Variants in FSHR observed in about 807,000 individuals in gnomAD.
The protein encoded by FSHR is follicle stimulating hormone receptor.
FSHR carries 46 observed loss-of-function variants against 52.1 expected under a neutral mutation model. The ratio of observed to expected loss-of-function variants is 0.88; its 90% CI spans 0.70 to 1.13. The LOEUF (loss-of-function observed/expected upper bound fraction) is 1.13. Ranked by LOEUF, FSHR falls within the 50% of genes most tolerant of loss-of-function variation. FSHR has a pLI of 0.00. For synonymous variants in FSHR, 399 were observed against 309.6 expected (o/e 1.29, Z -3.03); for missense variants, 964 against 834.6 (o/e 1.16, Z -1.91).
chr2:49,128,677 T>C (rs1486543362), intron 1 of FSHR, among the ~76,000 whole-genome samples: 1 of 121,400 alleles, frequency 8.2e-6, no homozygotes, highest in Non-Finnish European at 1.7e-5. Context: ...TGTTGAATAG[T>C]CTTTTTTTTT....
At chr2:49,010,774 G>A (rs536375384) in intron 4 of FSHR, among the ~76,000 whole-genome samples, 158 of 152,204 alleles carry the variant, frequency 1.0e-3, no homozygotes, top group African/African-American at 3.7e-3. Flanking sequence ...TATGTGTCAA[G>A]GAATTTATCC....
chr2:49,099,398 C>T (rs900865219), intron 1 of FSHR, among the ~76,000 whole-genome samples: 2 of 152,038 alleles, frequency 1.3e-5, no homozygotes, highest in Admixed American at 6.6e-5. Flanking sequence ...TGAGGCCTCC[C>T]CAGCCATGTG....
intron 2 of FSHR, among the ~76,000 whole-genome samples, chr2:49,050,836 A>T (rs1668829077): frequency 1.3e-5 from 2 of 152,120 alleles, no homozygotes; most frequent in Non-Finnish European, 2.9e-5. Context: ...CACAATCAAG[A>T]TATAAAATAT....
intron 4 of FSHR, among the ~76,000 whole-genome samples, chr2:48,994,092 C>T (rs563539534): frequency 1.6e-4 from 25 of 152,186 alleles, no homozygotes; most frequent in South Asian, 4.1e-4. Flanking sequence ...CAGTAGTTGA[C>T]GCATAAAATG....
At chr2:49,140,682 C>T (rs1033088026) in intron 1 of FSHR, among the ~76,000 whole-genome samples, 5 of 149,042 alleles carry the variant, frequency 3.4e-5, no homozygotes, top group Non-Finnish European at 7.4e-5. Context: ...CCAGCCTGGG[C>T]GACAGAGTGA....
At chr2:49,087,149 C>T (rs1405471609) in intron 1 of FSHR, among the ~76,000 whole-genome samples, 1 of 137,020 alleles carries the variant, frequency 7.3e-6, no homozygotes, top group African/African-American at 2.7e-5. Flanking sequence ...CAGGTCAAGG[C>T]ATTGGAATAA....
At chr2:49,050,585 C>A (rs1017294530) in intron 2 of FSHR, among the ~76,000 whole-genome samples, 6 of 152,178 alleles carry the variant, frequency 3.9e-5, no homozygotes, top group Non-Finnish European at 7.4e-5. Flanking sequence ...GACCAGACTA[C>A]CTTGGGTTTA....
intron 4 of FSHR, among the ~76,000 whole-genome samples, chr2:48,992,801 G>A (rs1675845720): frequency 6.6e-6 from 1 of 152,062 alleles, no homozygotes; most frequent in African/African-American, 2.4e-5. Context: ...TCTAGAAAGA[G>A]TTGTCTGCAC....
intron 1 of FSHR, among the ~76,000 whole-genome samples, chr2:49,078,855 C>T (rs1670053692): frequency 6.6e-6 from 1 of 152,000 alleles, no homozygotes; most frequent in African/African-American, 2.4e-5. Flanking sequence ...GTGCTGGATA[C>T]CCTGGCCTAC....
At chr2:48,969,017 C>A in intron 8 of FSHR, 134 bp from the exon 9 acceptor site, 2 of 807,092 alleles carry the variant, frequency 2.5e-6, no homozygotes, top group Non-Finnish European at 4.1e-6. Flanking sequence ...GTTCCTCCAA[C>A]ACACCTTGGC....
At chr2:48,994,415 T>A (rs1455652344) in intron 4 of FSHR, among the ~76,000 whole-genome samples, 1 of 152,256 alleles carries the variant, frequency 6.6e-6, no homozygotes, top group African/African-American at 2.4e-5. Context: ...TTGATCTTTA[T>A]AGGAAAGAAA....
chr2:49,146,651 C>T (rs893304104), intron 1 of FSHR, among the ~76,000 whole-genome samples: 9 of 151,948 alleles, frequency 5.9e-5, no homozygotes, highest in Non-Finnish European at 1.3e-4. Context: ...AATCTGACGC[C>T]TAGAGAAAGC....
chr2:49,150,502 C>T (rs1228729479), intron 1 of FSHR, among the ~76,000 whole-genome samples: 1 of 152,040 alleles, frequency 6.6e-6, no homozygotes, highest in African/African-American at 2.4e-5. Flanking sequence ...AGATATTGTG[C>T]AAAGTGTTTC....
intron 1 of FSHR, among the ~76,000 whole-genome samples, chr2:49,122,135 T>C (rs952776715): frequency 6.6e-6 from 1 of 152,192 alleles, no homozygotes; most frequent in Non-Finnish European, 1.5e-5. Context: ...AGGTGAACTT[T>C]TCCTTTCTCA....
At chr2:49,127,885 TC>T (rs1298146336) in intron 1 of FSHR, among the ~76,000 whole-genome samples, 4,157 of 46,364 alleles carry the variant, frequency 0.09, 620 homozygotes, top group East Asian at 0.16. Context: ...TTCTTCTTCT[TC>T]TTCTTCTTCT....
chr2:49,044,222 G>C (rs147079538), intron 2 of FSHR, among the ~76,000 whole-genome samples: 2,386 of 152,254 alleles, frequency 0.016, 33 homozygotes, highest in Non-Finnish European at 0.02. Context: ...TAAGTGATAT[G>C]CTGTTTTTTT....
intron 4 of FSHR, among the ~76,000 whole-genome samples, chr2:48,995,352 T>C (rs568334750): frequency 1.3e-5 from 2 of 152,194 alleles, no homozygotes; most frequent in Admixed American, 6.5e-5. Flanking sequence ...AGGAACAATA[T>C]GGGCTGGAGT....
At chr2:49,033,850 AG>A (rs1224083195) in intron 2 of FSHR, among the ~76,000 whole-genome samples, 1 of 152,142 alleles carries the variant, frequency 6.6e-6, no homozygotes, top group Non-Finnish European at 1.5e-5. Context: ...CAGGGCACAA[AG>A]GGGCAGGGAC....
chr2:49,045,405 T>C (rs964470410), intron 2 of FSHR, among the ~76,000 whole-genome samples: 4 of 152,228 alleles, frequency 2.6e-5, no homozygotes, highest in African/African-American at 7.2e-5. Flanking sequence ...AAGTGCTTTA[T>C]GTAGGAGACA....
Sources: allele counts gnomAD v4.1 joint callset (sites outside exome capture counted in the v4.1 genomes callset), GRCh38; gene constraint gnomAD v4.1.1; transcripts MANE v1.5; gene names NCBI Gene and HGNC (gene_info 2026-07-23, HGNC 2026-07-21).